Variants in CCNG1 observed in about 807,000 individuals in gnomAD.
CCNG1 encodes cyclin-G1.
In CCNG1, 13 loss-of-function variants were observed where a neutral mutation model predicts 30.0. That is an observed-to-expected ratio of 0.43 (90% CI 0.28 to 0.69). The LOEUF (loss-of-function observed/expected upper bound fraction) is 0.69. CCNG1 is among the 30% of genes least tolerant of loss of function. CCNG1 has a pLI of 0.16. For synonymous variants in CCNG1, 110 were observed against 121.5 expected, an observed-to-expected ratio of 0.91 and a Z score of 0.62; for missense variants, 285 against 331.4, an observed-to-expected ratio of 0.86 and a Z score of 1.09.
chr5:163,444,646 A>G lies in CCNG1; in HGVS notation c.*976A>G, dbSNP rs1189283718. Reference sequence around the variant, plus strand: ...CAAGTAGACACCTTCATAACTATGAATGAAGCTGCTGAAGTAGTGTTTAGG... The same window carrying G: ...CAAGTAGACACCTTCATAACTATGAGTGAAGCTGCTGAAGTAGTGTTTAGG... On this transcript the variant is annotated 3_prime_UTR_variant, in exon 7 of 7. Transcript: ENST00000340828. 1.3e-5 allele frequency: 2 copies of G among 152,632 alleles called. No homozygotes were observed. The highest frequency in any genetic ancestry group is 4.8e-5 in the African/African-American group (2 of 41,454). 9.5% of individuals were successfully genotyped at this position (152,632 alleles called of 1,614,324 possible). A position where few individuals can be genotyped will look rare whatever the true frequency, so the allele number is the denominator to read the frequency against.
chr5:163,443,190 T>C (rs1197620586), intron 6 of CCNG1, among the ~76,000 whole-genome samples: 1 of 151,666 alleles, frequency 6.6e-6, no homozygotes, highest in Non-Finnish European at 1.5e-5. Flanking sequence ...CGGGCGCCTG[T>C]AGTCCCAGCT....
At chr5:163,450,207 G>A (rs1758143568), downstream of CCNG1, 1 of 152,252 alleles carries the variant, frequency 6.6e-6, no homozygotes, top group Admixed American at 6.5e-5. Context: ...GTTGCAGTGA[G>A]TGGAGATTGT....
the CCNG1 span, chr5:163,457,217 C>CA: frequency 3.4e-6 from 3 of 891,184 alleles, no homozygotes; most frequent in Non-Finnish European, 4.8e-6. Context: ...CTGAAACCTC[C>CA]GCCCCCCGGG....
chr5:163,453,953 A>G, the CCNG1 span: 5 of 1,449,396 alleles, frequency 3.4e-6, no homozygotes, highest in Non-Finnish European at 3.7e-6. Flanking sequence ...CACAGAATGC[A>G]GGAAAAAAAG....
chr5:163,449,836 T>TAA (rs747042670), downstream of CCNG1: 5 of 152,158 alleles, frequency 3.3e-5, no homozygotes, highest in Non-Finnish European at 5.9e-5. Flanking sequence ...CAGACGATTT[T>TAA]AAAACAACTG....
Position 163,439,346 on chromosome 5 carries a change from G to T in CCNG1, c.90G>T (p.Lys30Asn). The stretch of plus-strand genomic sequence containing the variant: ...AACAGGAGTCTAGATGTCAGCCAAA[G>T]GTCTGTGGTTTGAGACTAATTGAGT... ...LLEQESRCQPKVCGLRLIESA... is the reference protein window; with the variant it reads ...LLEQESRCQPNVCGLRLIESA... Residue 30 changes from lysine to asparagine, a missense_variant, in exon 2 of 7, where the codon AAG becomes AAT. By Grantham distance (94) the Lys-to-Asn change is moderately conservative (BLOSUM62 0). Transcript: ENST00000340828. The T allele has an allele frequency of 6.2e-7, 1 of 1,614,144 alleles. No individual in the cohort carries two copies. The highest frequency in any genetic ancestry group is 8.5e-7 in the Non-Finnish European group (1 of 1,180,024).
chr5:163,442,285 A>G (rs910608378), intron 5 of CCNG1, 89 bp from the exon 6 acceptor site: 20 of 1,156,690 alleles, frequency 1.7e-5, no homozygotes, highest in Non-Finnish European at 2.5e-5. Flanking sequence ...GAGCAAAGAC[A>G]CATGTTCATA....
At chr5:163,457,382 A>G in the CCNG1 span, among the ~76,000 whole-genome samples, 1 of 149,708 alleles carries the variant, frequency 6.7e-6, no homozygotes, top group Non-Finnish European at 1.5e-5. Flanking sequence ...TTATATTTCC[A>G]AAAACAACTA....
chr5:163,442,941 G>T (rs1757893870), intron 6 of CCNG1, among the ~76,000 whole-genome samples: 1 of 152,062 alleles, frequency 6.6e-6, no homozygotes, highest in African/African-American at 2.4e-5. Flanking sequence ...CCAAAAGTCT[G>T]AACCAAGTAT....
chr5:163,450,718 A>T (rs780795248), downstream of CCNG1: 1 of 152,226 alleles, frequency 6.6e-6, no homozygotes, highest in African/African-American at 2.4e-5. Context: ...TGCTGGTGGG[A>T]AAGTAAAAAG....
the CCNG1 span, chr5:163,456,997 A>G: frequency 6.2e-7 from 1 of 1,613,490 alleles, no homozygotes; most frequent in Non-Finnish European, 8.5e-7. Flanking sequence ...TCCGCTGCAT[A>G]TTCAGATTCT....
downstream of CCNG1, chr5:163,447,893 C>T (rs1453479087): frequency 6.6e-6 from 1 of 152,208 alleles, no homozygotes; most frequent in Non-Finnish European, 1.5e-5. Flanking sequence ...AAAATATCAC[C>T]GTGCTTGGAA....
chr5:163,449,391 C>CT (rs1290421878), downstream of CCNG1: 1 of 152,142 alleles, frequency 6.6e-6, no homozygotes, highest in Non-Finnish European at 1.5e-5. Context: ...AATAATACAA[C>CT]TTAACAATAG....
At position 163,443,957 on chromosome 5, in the gene CCNG1, T is replaced by A; in HGVS notation, c.*287T>A. On this transcript the variant is annotated 3_prime_UTR_variant, in exon 7 of 7. Coordinates refer to ENST00000340828, the MANE Select transcript of CCNG1 (RefSeq NM_004060.4). ...TGTGAATCTTCATTTCTATCATTGA[T>A]CTAACTTTAGATATTGGATCAATAT... 2 of 449,582 alleles carry A rather than the reference T, an allele frequency of 4.4e-6. No homozygotes were observed. Among genetic ancestry groups the A allele is most frequent in the Non-Finnish European group, 7.9e-6 (2 of 253,634 alleles). 27.8% of individuals were successfully genotyped at this position (449,582 alleles called of 1,614,324 possible).
the CCNG1 span, chr5:163,451,225 A>G: frequency 6.6e-6 from 1 of 152,226 alleles, no homozygotes. Context: ...TTATCTGTGT[A>G]TATACTAAAA....
At chr5:163,442,294 T>C (rs1465979018) in intron 5 of CCNG1, 80 bp from the exon 6 acceptor site, 1 of 1,207,620 alleles carries the variant, frequency 8.3e-7, no homozygotes. Flanking sequence ...CACATGTTCA[T>C]AGGATTGCAT....
chr5:163,439,638 T>A (rs1381468980), intron 2 of CCNG1, 118 bp downstream of exon 2: 1 of 792,332 alleles, frequency 1.3e-6, no homozygotes, highest in Non-Finnish European at 2.0e-6. Flanking sequence ...AGCCAAAACA[T>A]TAATTTTGTC....
At chr5:163,438,793 C>T (rs1581164452) in intron 1 of CCNG1, among the ~76,000 whole-genome samples, 2 of 151,738 alleles carry the variant, frequency 1.3e-5, no homozygotes, top group Admixed American at 6.6e-5. Context: ...TTTGGAAGGC[C>T]GAGGCGGGCA....
chr5:163,456,799 T>C, the CCNG1 span: 1 of 731,820 alleles, frequency 1.4e-6, no homozygotes, highest in African/African-American at 1.8e-5. Context: ...TTTCTAACAA[T>C]TCACTTTAAA....
Sources: gnomAD v4.1 joint callset for allele counts (sites outside exome capture counted in the v4.1 genomes callset) on GRCh38, gnomAD v4.1.1 for gene constraint, MANE v1.5 for transcripts, NCBI Gene and HGNC (gene_info 2026-07-23, HGNC 2026-07-21) for gene names.